Variants in LRP1B observed in about 807,000 individuals in gnomAD.
LRP1B encodes LDL receptor related protein 1B, also known as low-density lipoprotein receptor-related protein 1B.
LRP1B carries 217 observed loss-of-function variants against 556.6 expected under a neutral mutation model. The observed-to-expected ratio is 0.39, with a 90% CI of 0.35 to 0.44. The LOEUF is 0.44. Among genes scored for constraint, LRP1B ranks in the 20% least tolerant of loss-of-function variants. The pLI, the probability that LRP1B is intolerant of heterozygous loss-of-function variation, is 1.00. For synonymous variants in LRP1B, 2,047 were observed against 1,865.8 expected, an observed-to-expected ratio of 1.10 and a Z score of -2.50; for missense variants, 5,053 against 5,620.8, an observed-to-expected ratio of 0.90 and a Z score of 3.23.
At chr2:142,060,414 C>T (rs1704862198) in intron 1 of LRP1B, among the ~76,000 whole-genome samples, 1 of 152,028 alleles carries the variant, frequency 6.6e-6, no homozygotes, top group Non-Finnish European at 1.5e-5. Context: ...TTGTCAGGGA[C>T]ACTATATCTC....
intron 41 of LRP1B, among the ~76,000 whole-genome samples, chr2:140,699,625 T>G (rs1386059139): frequency 3.6e-5 from 1 of 28,166 alleles, no homozygotes; most frequent in Non-Finnish European, 1.5e-4. Context: ...AAGAAGATGG[T>G]TTTTGTTAAA....
chr2:140,673,648 T>G (rs1685565127), intron 41 of LRP1B, among the ~76,000 whole-genome samples: 1 of 152,190 alleles, frequency 6.6e-6, no homozygotes, highest in South Asian at 2.1e-4. Context: ...TTACAGATTT[T>G]TAGGTATCTG....
At chr2:140,333,421 C>A (rs981556207) in intron 79 of LRP1B, among the ~76,000 whole-genome samples, 9 of 152,032 alleles carry the variant, frequency 5.9e-5, no homozygotes, top group Non-Finnish European at 1.2e-4. Context: ...GCATTTGGAA[C>A]AATTTCTGGC....
intron 77 of LRP1B, 107 bp from the exon 78 acceptor site, chr2:140,335,945 G>A: frequency 1.4e-6 from 1 of 717,708 alleles, no homozygotes; most frequent in Admixed American, 2.1e-5. Context: ...ACATAGTCAT[G>A]AGTTAATTGC....
chr2:141,331,000 C>T (rs1345632544), intron 3 of LRP1B, among the ~76,000 whole-genome samples: 1 of 152,090 alleles, frequency 6.6e-6, no homozygotes, highest in African/African-American at 2.4e-5. Context: ...CCTCGTGATC[C>T]GTCCGCCTCG....
chr2:140,781,557 AGAG>A (rs1453470637), intron 32 of LRP1B, among the ~76,000 whole-genome samples: 2 of 152,192 alleles, frequency 1.3e-5, no homozygotes, highest in African/African-American at 4.8e-5. Context: ...ACAGGAGACA[AGAG>A]TAGTAAGGTC....
At chr2:141,433,407 G>T (rs930169064) in intron 3 of LRP1B, among the ~76,000 whole-genome samples, 6 of 151,848 alleles carry the variant, frequency 4.0e-5, no homozygotes, top group African/African-American at 1.5e-4. Flanking sequence ...ATTGTTAGTG[G>T]GTTTATCATG....
At chr2:141,266,235 A>T (rs187199557) in intron 3 of LRP1B, among the ~76,000 whole-genome samples, 1 of 151,682 alleles carries the variant, frequency 6.6e-6, no homozygotes, top group African/African-American at 2.4e-5. Context: ...GAGACAGAAG[A>T]ATGGCGTGAA....
At chr2:142,031,540 T>TC (rs1487315005) in intron 1 of LRP1B, among the ~76,000 whole-genome samples, 1 of 116,182 alleles carries the variant, frequency 8.6e-6, no homozygotes, top group East Asian at 3.6e-4. Flanking sequence ...CCTGTGTCCA[T>TC]GTGTGATTTT....
rs774845922 is a variant in LRP1B at position 141,177,949 on chromosome 2, G to GAA, written c.1013+10470_1013+10471dup. 1.2e-3 allele frequency among the ~76,000 whole-genome samples: 176 copies of GAA among 152,176 alleles called. 4 individuals are homozygous for GAA. In the Middle Eastern group the frequency reaches 0.014, roughly 12 times the overall value. On this transcript the variant is annotated intron_variant, in intron 7 of 90. Coordinates refer to ENST00000389484, the MANE Select transcript of LRP1B (RefSeq NM_018557.3). ...AGCCACCTATAAATAAGTAGAAAGA[G>GAA]AAAGCCAAGGGAGTGAAGTGCAAAG...
intron 2 of LRP1B, among the ~76,000 whole-genome samples, chr2:141,675,612 T>G (rs1690845986): frequency 6.6e-6 from 1 of 151,768 alleles, no homozygotes; most frequent in African/African-American, 2.4e-5. Context: ...ACATGTAGTA[T>G]ACTTAAAAAT....
At chr2:141,963,070 G>GT (rs1033381297) in intron 1 of LRP1B, among the ~76,000 whole-genome samples, 11 of 151,614 alleles carry the variant, frequency 7.3e-5, no homozygotes, top group African/African-American at 1.2e-4. Context: ...ACACAAGAGG[G>GT]TTTTTTCTAT....
In LRP1B at chr2:140,421,562, T is replaced by G. The variant is rs1245635450; in HGVS notation, c.10414+20942A>C. On this transcript the variant is annotated intron_variant, in intron 66 of 90. Coordinates refer to ENST00000389484, the MANE Select transcript of LRP1B (RefSeq NM_018557.3). ...AAAATACCATGTTATTTAAAAAAGT[T>G]TATTATTTGTCCCCTTCTCTCTCCA... Among the ~76,000 whole-genome samples the G allele has an allele frequency of 3.3e-5, 5 of 152,308 alleles. No individual in the cohort carries two copies. The East Asian group carries it at 9.6e-4, about 29-fold the overall frequency.
chr2:142,079,161 A>G (rs1705618881), intron 1 of LRP1B, among the ~76,000 whole-genome samples: 1 of 152,190 alleles, frequency 6.6e-6, no homozygotes. Context: ...GGAGTAAATT[A>G]TTAGACTTCA....
intron 2 of LRP1B, among the ~76,000 whole-genome samples, chr2:141,630,097 G>A (rs1688855753): frequency 6.6e-6 from 1 of 152,170 alleles, no homozygotes; most frequent in Non-Finnish European, 1.5e-5. Context: ...CACAGAAGTA[G>A]CTTAATGTTC....
rs202187054 is a variant in LRP1B, at chr2:140,238,173, G to T, written c.13539C>A (p.Gly4513=). The change falls in exon 89 of 91, where the codon GGC becomes GGA. Residue 4513 remains glycine, a synonymous_variant. Transcript: ENST00000389484. ...DHNDGGLLDP[G]FMIDPTKARY... ...CTACCTTTGTTGGGTCTATCATAAA[G>T]CCAGGATCTAAAAGACCTCCATCGT... is the stretch of plus-strand genomic sequence containing the variant. The T allele has an allele frequency of 1.7e-5, 28 of 1,603,332 alleles. No homozygotes were observed. The highest frequency in any genetic ancestry group is 5.1e-5 in the Admixed American group (3 of 59,164).
At chr2:141,856,197 G>A (rs145435630) in intron 1 of LRP1B, among the ~76,000 whole-genome samples, 98 of 152,192 alleles carry the variant, frequency 6.4e-4, no homozygotes, top group African/African-American at 2.3e-3. Flanking sequence ...AAGCCTCCCA[G>A]ATATTGGCAA....
chr2:140,594,369 G>C (rs923029786), intron 43 of LRP1B, among the ~76,000 whole-genome samples: 1 of 152,140 alleles, frequency 6.6e-6, no homozygotes, highest in Non-Finnish European at 1.5e-5. Context: ...TAATGTTCAC[G>C]AGCATATTAA....
At chr2:140,930,129 A>G (rs1371521934) in intron 20 of LRP1B, among the ~76,000 whole-genome samples, 1 of 152,182 alleles carries the variant, frequency 6.6e-6, no homozygotes, top group East Asian at 1.9e-4. Flanking sequence ...CACACAATCT[A>G]TCTTTGTAAT....
Sources: allele counts gnomAD v4.1 joint callset (sites outside exome capture counted in the v4.1 genomes callset), GRCh38; gene constraint gnomAD v4.1.1; transcripts MANE v1.5; gene names NCBI Gene and HGNC (gene_info 2026-07-23, HGNC 2026-07-21).